The following TTC6 variants were observed in gnomAD, a reference collection of about 807,000 sequenced individuals.
TTC6 encodes the protein tetratricopeptide repeat domain 6.
TTC6 carries 172 observed loss-of-function variants against 210.4 expected under a neutral mutation model. The ratio of observed to expected loss-of-function variants is 0.82; its 90% CI spans 0.72 to 0.93. TTC6 has a LOEUF of 0.93. Among genes scored for constraint, TTC6 ranks in the 40% least tolerant of loss-of-function variants. TTC6 has a pLI of 0.00. For missense variants in TTC6, 2,414 were observed against 2,318.1 expected (o/e 1.04, Z -0.85); for synonymous variants, 804 against 819.6 (o/e 0.98, Z 0.32).
intron 1 of TTC6, 96 bp from the exon 4 acceptor site, chr14:37,680,055 T>C: frequency 1.5e-6 from 1 of 674,982 alleles, no homozygotes; most frequent in Non-Finnish European, 2.5e-6. Flanking sequence ...CTATTTTTCA[T>C]TTACTACACA....
intron 29 of TTC6, chr14:37,837,432 G>A (rs1371674539): frequency 4.4e-6 from 2 of 454,894 alleles, no homozygotes; most frequent in South Asian, 3.1e-5. Context: ...ACAGAAGGAT[G>A]TCAATTCTGT....
At chr14:37,706,355 C>T (rs1197286261) in intron 5 of TTC6, among the ~76,000 whole-genome samples, 1 of 152,080 alleles carries the variant, frequency 6.6e-6, no homozygotes, top group East Asian at 1.9e-4. Flanking sequence ...GGGATGGCTT[C>T]TCAGTCCCTC....
At position 37,670,142 on chromosome 14, in the gene TTC6, G is replaced by A. The variant is rs1458860402; in HGVS notation, c.940-10009G>A. ...TGTTATTAAATACAGATTTCTGTTT[G>A]TTAGGGGACTTACAGAGTTTCTCTC... On this transcript the variant is annotated intron_variant, in intron 1 of 30. Transcript: ENST00000553443. 2.6e-5 allele frequency among the ~76,000 whole-genome samples: 4 copies of A among 152,128 alleles called. No individual in the cohort carries two copies. The East Asian group carries it at 7.7e-4, about 29-fold the overall frequency.
At chr14:37,652,293 C>T (rs1261410534) in intron 1 of TTC6, among the ~76,000 whole-genome samples, 1 of 152,008 alleles carries the variant, frequency 6.6e-6, no homozygotes, top group Non-Finnish European at 1.5e-5. Flanking sequence ...GGTTGAGGAG[C>T]GATGGTGAAC....
chr14:37,661,215 C>T (rs35374466), intron 1 of TTC6, among the ~76,000 whole-genome samples: 21,675 of 152,056 alleles, frequency 0.14, 1,722 homozygotes, highest in East Asian at 0.27. Flanking sequence ...TCAATTTTTG[C>T]TTTTGTTGCA....
chr14:37,662,270 A>G (rs1191351288), intron 1 of TTC6, among the ~76,000 whole-genome samples: 1 of 152,202 alleles, frequency 6.6e-6, no homozygotes, highest in Non-Finnish European at 1.5e-5. Context: ...CCCATTCAGT[A>G]TGATATTGGC....
chr14:37,821,046 CTT>C (rs1566973921), intron 26 of TTC6, among the ~76,000 whole-genome samples: 1 of 129,804 alleles, frequency 7.7e-6, no homozygotes, highest in Non-Finnish European at 1.7e-5. Context: ...TCTTCTTCTT[CTT>C]CTTCCTTCTT....
intron 29 of TTC6, among the ~76,000 whole-genome samples, chr14:37,833,888 T>C (rs2096191812): frequency 1.3e-5 from 2 of 152,216 alleles, no homozygotes; most frequent in Admixed American, 1.3e-4. Context: ...TGGTGATGTA[T>C]TTCCTCAGTC....
intron 1 of TTC6, among the ~76,000 whole-genome samples, chr14:37,662,817 AG>A (rs2095740070): frequency 6.6e-6 from 1 of 152,012 alleles, no homozygotes; most frequent in Non-Finnish European, 1.5e-5. Flanking sequence ...GTAGCCCTGT[AG>A]TATAGTTTGA....
chr14:37,686,543 C>A (rs2095794131), intron 3 of TTC6, among the ~76,000 whole-genome samples: 1 of 152,142 alleles, frequency 6.6e-6, no homozygotes, highest in Admixed American at 6.6e-5. Context: ...AGTCTGTTTT[C>A]ATGCTGCTGA....
intron 29 of TTC6, among the ~76,000 whole-genome samples, chr14:37,839,051 T>C (rs554178202): frequency 2.0e-5 from 3 of 152,266 alleles, no homozygotes; most frequent in Admixed American, 2.0e-4. Context: ...TCCAATCTAT[T>C]ATTGTTGGGG....
chr14:37,649,728 A>C lies in TTC6; in HGVS notation c.939+26725A>C, dbSNP rs541604545. 3.9e-5 allele frequency among the ~76,000 whole-genome samples: 6 copies of C among 152,298 alleles called. 1 individual carries two copies. The East Asian group carries it at 1.2e-3, about 29-fold the overall frequency. ...GGAGGGAAACATTGGTGGATACTTCACAACTATCTCTTTAGCCTCTTCATT... is the reference window on the plus strand; with the variant it reads ...GGAGGGAAACATTGGTGGATACTTCCCAACTATCTCTTTAGCCTCTTCATT... On this transcript the variant is annotated intron_variant, in intron 1 of 30. Transcript: ENST00000553443.
chr14:37,696,880 T>C lies in TTC6; in HGVS notation c.1376+45T>C, dbSNP rs958784279. The C allele has an allele frequency of 6.3e-5, 51 of 813,906 alleles. No individual in the cohort carries two copies. The East Asian group carries it at 1.4e-3, about 23-fold the overall frequency. 50.4% of individuals were successfully genotyped at this position (813,906 alleles called of 1,614,324 possible). A position where few individuals can be genotyped will look rare whatever the true frequency, so the allele number is the denominator to read the frequency against. On this transcript the variant is annotated intron_variant, in intron 4 of 30. Transcript: ENST00000553443. ...AATTTTTCTATTGGGAGAGGAGTTA[T>C]TCAGTAGCATAGAGACATGAAAATA...
intron 14 of TTC6, among the ~76,000 whole-genome samples, chr14:37,763,342 G>A (rs971067971): frequency 6.6e-6 from 1 of 152,128 alleles, no homozygotes; most frequent in African/African-American, 2.4e-5. Context: ...AGTGAATGAG[G>A]AAGTATTTTC....
chr14:37,766,203 G>GTTGT (rs2095998856), intron 14 of TTC6, among the ~76,000 whole-genome samples: 1 of 151,896 alleles, frequency 6.6e-6, no homozygotes, highest in Admixed American at 6.6e-5. Context: ...GCATATGTTG[G>GTTGT]TTGTTTCTTT....
intron 14 of TTC6, among the ~76,000 whole-genome samples, chr14:37,769,642 G>A (rs1211335963): frequency 6.6e-6 from 1 of 151,948 alleles, no homozygotes; most frequent in Non-Finnish European, 1.5e-5. Flanking sequence ...TGGGATCAGT[G>A]GTGATATCCC....
chr14:37,841,509 G>A (rs552114276), exon 30 of TTC6: 23 of 1,598,384 alleles, frequency 1.4e-5, no homozygotes, highest in Admixed American at 9.0e-5. Context: ...CTCATGAATC[G>A]AGCTATTACA....
intron 7 of TTC6, among the ~76,000 whole-genome samples, chr14:37,732,254 C>A (rs944155244): frequency 2.1e-5 from 3 of 141,614 alleles, no homozygotes; most frequent in East Asian, 4.2e-4. Flanking sequence ...GCGATCTAGG[C>A]TCACTGCAAG....
At chr14:37,768,524 G>A (rs982999252) in intron 14 of TTC6, among the ~76,000 whole-genome samples, 1 of 152,144 alleles carries the variant, frequency 6.6e-6, no homozygotes, top group African/African-American at 2.4e-5. Context: ...CACTTCCCTT[G>A]TAAGTTGGAT....
Sources: gnomAD v4.1 joint callset for allele counts (sites outside exome capture counted in the v4.1 genomes callset) on GRCh38, gnomAD v4.1.1 for gene constraint, MANE v1.5 for transcripts, NCBI Gene and HGNC (gene_info 2026-07-23, HGNC 2026-07-21) for gene names.